Variants in ARHGAP24 observed in about 807,000 individuals in gnomAD.
ARHGAP24 encodes the protein rho GTPase-activating protein 24.
ARHGAP24 carries 50 observed loss-of-function variants against 76.4 expected under a neutral mutation model. That is an observed-to-expected ratio of 0.65 (90% CI 0.52 to 0.83). ARHGAP24 has a LOEUF of 0.83. Ranked by LOEUF, ARHGAP24 falls within the 40% of genes least tolerant of loss-of-function variation. The pLI is 0.00. For synonymous variants in ARHGAP24, 345 were observed against 323.3 expected, an observed-to-expected ratio of 1.07 and a Z score of -0.72; for missense variants, 930 against 914.2, an observed-to-expected ratio of 1.02 and a Z score of -0.22.
At chr4:85,657,909 C>A (rs1256924131) in intron 2 of ARHGAP24, among the ~76,000 whole-genome samples, 1 of 152,144 alleles carries the variant, frequency 6.6e-6, no homozygotes, top group Non-Finnish European at 1.5e-5. Flanking sequence ...TGCGTGCCAC[C>A]ATGCCTAGCT....
At chr4:85,906,897 T>A (rs1270119253) in intron 3 of ARHGAP24, among the ~76,000 whole-genome samples, 4 of 152,190 alleles carry the variant, frequency 2.6e-5, no homozygotes, top group Non-Finnish European at 5.9e-5. Flanking sequence ...GTCCACTCTA[T>A]TTGTAAATTG....
rs1740550091 is a variant in ARHGAP24, at chr4:85,994,826, C to A, written c.1172C>A (p.Ser391Tyr). Reference protein sequence around the residue: ...SPQRSSMNNGSPTALSGSKTN... With the variant: ...SPQRSSMNNGYPTALSGSKTN... ...CAGAGAAGCAGCATGAACAATGGAT[C>A]CCCCACAGCTCTATCAGGCAGCAAA... Residue 391 changes from serine (S) to tyrosine (Y), a missense_variant, in exon 9 of 10, where the codon TCC becomes TAC. By Grantham distance (144) the Ser-to-Tyr change is moderately radical. Coordinates refer to ENST00000395184, the MANE Select transcript of ARHGAP24 (RefSeq NM_001025616.3). 1.9e-6 allele frequency: 3 copies of A among 1,613,978 alleles called. No homozygotes were observed. The highest frequency in any genetic ancestry group is 2.5e-6 in the Non-Finnish European group (3 of 1,180,018).
At chr4:85,958,681 C>T (rs1738063240) in intron 5 of ARHGAP24, among the ~76,000 whole-genome samples, 1 of 152,206 alleles carries the variant, frequency 6.6e-6, no homozygotes, top group African/African-American at 2.4e-5. Context: ...TCATGTTTTA[C>T]ATTTCATAAT....
chr4:85,618,634 A>G (rs1015242337), intron 2 of ARHGAP24, among the ~76,000 whole-genome samples: 9 of 152,020 alleles, frequency 5.9e-5, no homozygotes, highest in African/African-American at 2.2e-4. Context: ...ATCCTCACCA[A>G]CACTAGTAAT....
At chr4:85,837,085 T>A (rs1303973201) in intron 3 of ARHGAP24, among the ~76,000 whole-genome samples, 1 of 152,198 alleles carries the variant, frequency 6.6e-6, no homozygotes, top group African/African-American at 2.4e-5. Context: ...TTCCTAAAGG[T>A]AATATTTATC....
intron 2 of ARHGAP24, among the ~76,000 whole-genome samples, chr4:85,631,489 C>A (rs1019897767): frequency 6.6e-6 from 1 of 152,082 alleles, no homozygotes; most frequent in African/African-American, 2.4e-5. Context: ...AGTAACTTCA[C>A]ATTTTAAAAC....
chr4:85,649,997 A>G (rs1721874431), intron 2 of ARHGAP24, among the ~76,000 whole-genome samples: 1 of 152,124 alleles, frequency 6.6e-6, no homozygotes, highest in African/African-American at 2.4e-5. Context: ...TAAGGACAAA[A>G]GCCTAGACTT....
chr4:85,518,956 C>T (rs1249969046), intron 1 of ARHGAP24, among the ~76,000 whole-genome samples: 4 of 152,240 alleles, frequency 2.6e-5, no homozygotes, highest in Middle Eastern at 3.4e-3. Flanking sequence ...TTTTCCATAG[C>T]GGCAGTACTA....
intron 1 of ARHGAP24, among the ~76,000 whole-genome samples, chr4:85,510,800 C>T (rs1724251329): frequency 7.7e-6 from 1 of 130,302 alleles, no homozygotes; most frequent in Non-Finnish European, 1.6e-5. Flanking sequence ...AGCCCCTCCC[C>T]TTCCTCCTCC....
intron 2 of ARHGAP24, among the ~76,000 whole-genome samples, chr4:85,580,481 TGG>T (rs1727562567): frequency 6.6e-6 from 1 of 152,178 alleles, no homozygotes; most frequent in Non-Finnish European, 1.5e-5. Context: ...TCCTATCACC[TGG>T]GGACCCACTT....
chr4:85,649,762 A>T (rs779051459), intron 2 of ARHGAP24, among the ~76,000 whole-genome samples: 4 of 152,178 alleles, frequency 2.6e-5, no homozygotes, highest in Non-Finnish European at 2.9e-5. Flanking sequence ...CTGGAGAAGC[A>T]ATAAAATAAC....
rs1419869652 is a variant in ARHGAP24 at position 85,895,542 on chromosome 4, C to A, written c.269-28106C>A. On this transcript the variant is annotated intron_variant, in intron 3 of 9. Coordinates refer to ENST00000395184, the MANE Select transcript of ARHGAP24 (RefSeq NM_001025616.3). ...CTTGTTTTCCTGAGGAAAAAAATAT[C>A]TTTTGGGGGGAAAATTTCTATTTTT... is the stretch of plus-strand genomic sequence containing the variant. Among the ~76,000 whole-genome samples the A allele has an allele frequency of 2.0e-5, 3 of 152,092 alleles. No homozygotes were observed. The East Asian group carries it at 5.8e-4, about 29-fold the overall frequency.
At chr4:85,891,252 A>C (rs1484242274) in intron 3 of ARHGAP24, among the ~76,000 whole-genome samples, 2 of 151,804 alleles carry the variant, frequency 1.3e-5, no homozygotes, top group African/African-American at 2.4e-5. Context: ...GCTTAAGGAG[A>C]TTTTGGGCTG....
chr4:85,682,916 C>T (rs1404700456), intron 2 of ARHGAP24, among the ~76,000 whole-genome samples: 8 of 152,214 alleles, frequency 5.3e-5, no homozygotes, highest in Non-Finnish European at 1.2e-4. Flanking sequence ...TTCAAAGACA[C>T]ATAATATGAT....
At chr4:85,980,939 A>G (rs937985566) in intron 8 of ARHGAP24, among the ~76,000 whole-genome samples, 12 of 152,184 alleles carry the variant, frequency 7.9e-5, no homozygotes, top group African/African-American at 1.2e-4. Context: ...ATTCTTCACC[A>G]CCACGCATTT....
chr4:85,601,568 C>A (rs1295460998), intron 2 of ARHGAP24, among the ~76,000 whole-genome samples: 1 of 152,020 alleles, frequency 6.6e-6, no homozygotes, highest in Non-Finnish European at 1.5e-5. Flanking sequence ...TTGTAACAAC[C>A]AAAAATCTCT....
At chr4:85,608,584 A>G (rs1213550607) in intron 2 of ARHGAP24, among the ~76,000 whole-genome samples, 1 of 122,168 alleles carries the variant, frequency 8.2e-6, no homozygotes, top group African/African-American at 3.3e-5. Flanking sequence ...TTTGAGACAG[A>G]GACTTGCTCT....
At chr4:85,619,767 A>G (rs1347465482) in intron 2 of ARHGAP24, among the ~76,000 whole-genome samples, 2 of 152,044 alleles carry the variant, frequency 1.3e-5, no homozygotes, top group Non-Finnish European at 2.9e-5. Context: ...TTGTTAGTGT[A>G]TAGAAACACT....
chr4:85,989,609 C>G (rs139197179), intron 8 of ARHGAP24, among the ~76,000 whole-genome samples: 29 of 151,690 alleles, frequency 1.9e-4, no homozygotes, highest in Middle Eastern at 6.8e-3. Context: ...AATAATATCC[C>G]TCATGAATAT....
Sources: gnomAD v4.1 joint callset for allele counts (sites outside exome capture counted in the v4.1 genomes callset) on GRCh38, gnomAD v4.1.1 for gene constraint, MANE v1.5 for transcripts, NCBI Gene and HGNC (gene_info 2026-07-23, HGNC 2026-07-21) for gene names.